Variants in MRPL19 observed in about 807,000 individuals in gnomAD.
MRPL19 encodes mitochondrial ribosomal protein L19, also known as large ribosomal subunit protein bL19m.
MRPL19 carries 31 observed loss-of-function variants against 34.0 expected under a neutral mutation model. That is an observed-to-expected ratio of 0.91 (90% CI 0.68 to 1.23). The LOEUF is 1.23. Ranked by LOEUF, MRPL19 falls within the 50% of genes most tolerant of loss-of-function variation. The pLI is 0.00. For missense variants in MRPL19, 384 were observed against 367.6 expected, an observed-to-expected ratio of 1.04 and a Z score of -0.37; for synonymous variants, 152 against 127.7, an observed-to-expected ratio of 1.19 and a Z score of -1.28.
In MRPL19 at chr2:75,660,323, T is replaced by C. The variant is rs1389897377; in HGVS notation, c.*5038T>C. 1 of 152,224 alleles carries C rather than the reference T, an allele frequency of 6.6e-6. No individual in the cohort carries two copies. Among genetic ancestry groups the C allele is most frequent in the Non-Finnish European group, 1.5e-5 (1 of 68,040 alleles). 9.4% of individuals were successfully genotyped at this position (152,224 alleles called of 1,614,324 possible). ...GCTTATTTAAGACAATTGTTTAAAG[T>C]CTTTGCATAGTAAGTCCAATGTCTG... On this transcript the variant is annotated 3_prime_UTR_variant, in exon 6 of 6. Coordinates refer to ENST00000393909, the MANE Select transcript of MRPL19 (RefSeq NM_014763.4).
chr2:75,655,100 C>G lies in MRPL19; in HGVS notation c.694C>G (p.Arg232Gly), dbSNP rs200518280. ...AATGAAGCCTAAGCCCTGGTCTAAA[C>G]GCTGGGAACGTCCAAATTTTAATAT... ...VKMKPKPWSK[R>G]WERPNFNIKG... Residue 232 changes from arginine to glycine, a missense_variant, in exon 6 of 6, where the codon CGC (arginine) becomes GGC (glycine). By Grantham distance (125) the Arg-to-Gly change is moderately radical. Coordinates refer to ENST00000393909, the MANE Select transcript of MRPL19 (RefSeq NM_014763.4). 4.4e-6 allele frequency: 7 copies of G among 1,602,836 alleles called. No individual in the cohort carries two copies. Among genetic ancestry groups the G allele is most frequent in the Non-Finnish European group, 5.9e-6 (7 of 1,176,768 alleles).
intron 2 of MRPL19, among the ~76,000 whole-genome samples, chr2:75,649,317 T>A (rs1678282462): frequency 6.6e-6 from 1 of 152,214 alleles, no homozygotes; most frequent in Admixed American, 6.5e-5. Context: ...GAACTCTGTA[T>A]TAGACCAAGC....
At chr2:75,651,871 AAGG>A (rs1678339152) in intron 2 of MRPL19, 1 of 255,812 alleles carries the variant, frequency 3.9e-6, no homozygotes, top group Non-Finnish European at 7.5e-6. Flanking sequence ...GCTCTGTAAA[AAGG>A]AGATGACACC....
intron 2 of MRPL19, among the ~76,000 whole-genome samples, chr2:75,650,390 C>T (rs1160451850): frequency 6.6e-6 from 1 of 152,182 alleles, no homozygotes; most frequent in Admixed American, 6.5e-5. Flanking sequence ...CTGAGGTAAA[C>T]AGGCAGGGTC....
intron 2 of MRPL19, among the ~76,000 whole-genome samples, chr2:75,650,426 G>A (rs1258548402): frequency 6.6e-6 from 1 of 152,186 alleles, no homozygotes; most frequent in African/African-American, 2.4e-5. Context: ...TACAGAGGGA[G>A]AACCAGCAAC....
Position 75,655,296 on chromosome 2 carries a change from G to A in MRPL19, c.*11G>A, listed in dbSNP as rs1368203537. 6.2e-7 allele frequency: 1 copy of A among 1,600,992 alleles called. No individual in the cohort carries two copies. The highest frequency in any genetic ancestry group is 8.5e-7 in the Non-Finnish European group (1 of 1,170,316). ...TCGAAAAGGTCTTGATTCTGAGAATGAATTTGGTTAGTTGCAGAAGATACA... is the reference window on the plus strand; with the variant it reads ...TCGAAAAGGTCTTGATTCTGAGAATAAATTTGGTTAGTTGCAGAAGATACA... On this transcript the variant is annotated 3_prime_UTR_variant, in exon 6 of 6. Transcript: ENST00000393909.
Position 75,657,799 on chromosome 2 carries a change from T to A in MRPL19, c.*2514T>A, listed in dbSNP as rs1678496507. 1 of 151,972 alleles carries A rather than the reference T, an allele frequency of 6.6e-6. No homozygotes were observed. Among genetic ancestry groups the A allele is most frequent in the African/African-American group, 2.4e-5 (1 of 41,390 alleles). The allele number at this position is 151,972 out of a possible 1,614,324, so 9.4% of individuals were successfully genotyped here. On this transcript the variant is annotated 3_prime_UTR_variant, in exon 6 of 6. Coordinates refer to ENST00000393909, the MANE Select transcript of MRPL19 (RefSeq NM_014763.4). ...GGAATATCTTTAAAATTCTTGTGAA[T>A]TTTTCCCCAGAAGTAAAGCAAATCT...
Position 75,646,827 on chromosome 2 carries a change from C to A in MRPL19, c.20C>A (p.Ala7Glu), listed in dbSNP as rs762937368. 2 of 1,564,678 alleles carry A rather than the reference C, an allele frequency of 1.3e-6. No homozygotes were observed. The highest frequency in any genetic ancestry group is 1.7e-6 in the Non-Finnish European group (2 of 1,155,132). Reference sequence around the variant, plus strand: ...GCTGGCATGGCGGCCTGCATTGCAGCGGGGCACTGGGCTGCAATGGGCCTA... The same window carrying A: ...GCTGGCATGGCGGCCTGCATTGCAGAGGGGCACTGGGCTGCAATGGGCCTA... MAACIAAGHWAAMGLGR... is the reference protein window; with the variant it reads MAACIAEGHWAAMGLGR... The change falls in exon 1 of 6, where the codon GCG becomes GAG. Residue 7 changes from alanine (A) to glutamate (E), a missense_variant. By Grantham distance (107) the Ala-to-Glu change is moderately radical. Transcript: ENST00000393909.
intron 3 of MRPL19, 22 bp from the exon 4 acceptor site, chr2:75,652,501 C>T: frequency 1.2e-6 from 2 of 1,603,400 alleles, no homozygotes; most frequent in South Asian, 2.3e-5. Flanking sequence ...AAAAAAAGTT[C>T]ACTTCTCTTT....
At position 75,658,087 on chromosome 2, in the gene MRPL19, A is replaced by G. The variant is rs185482415; in HGVS notation, c.*2802A>G. Among the ~76,000 whole-genome samples the G allele has an allele frequency of 9.2e-5, 14 of 152,056 alleles. No homozygotes were observed. Among genetic ancestry groups the G allele is most frequent in the African/African-American group, 2.9e-4 (12 of 41,506 alleles). ...CAGGTAACCTCAAATCTTTCTTTTT[A>G]TCTTTGAGACAAGGTCTCATTCTAT... On this transcript the variant is annotated 3_prime_UTR_variant, in exon 6 of 6. Transcript: ENST00000393909.
chr2:75,648,955 G>T (rs185826872), intron 2 of MRPL19, among the ~76,000 whole-genome samples: 5 of 152,248 alleles, frequency 3.3e-5, no homozygotes, highest in African/African-American at 1.2e-4. Context: ...ATGTAAGGGG[G>T]GCCTTCTGAA....
At position 75,647,145 on chromosome 2, in the gene MRPL19, C is replaced by G; in HGVS notation, c.147C>G (p.Ser49=). Residue 49 remains serine, a synonymous_variant, in exon 2 of 6, where the codon TCC becomes TCG. Transcript: ENST00000393909. The part of the protein sequence containing the change: ...GPVRQQSTGP[S]EPGAFQPPPK... ...TCCGGCAGCAGAGCACTGGGCCTTC[C>G]GAGCCCGGTGCGTTCCAACCGCCGC... 1.9e-6 allele frequency: 3 copies of G among 1,579,424 alleles called. No homozygotes were observed. Among genetic ancestry groups the G allele is most frequent in the Non-Finnish European group, 2.6e-6 (3 of 1,162,028 alleles).
chr2:75,655,947 G>C lies in MRPL19; in HGVS notation c.*662G>C, dbSNP rs924414295. ...CTATTATTGCATGAAGGCTTCAAGGGAAACGTTACAGTCTTTGGGTCATAG... is the reference window on the plus strand; with the variant it reads ...CTATTATTGCATGAAGGCTTCAAGGCAAACGTTACAGTCTTTGGGTCATAG... On this transcript the variant is annotated 3_prime_UTR_variant, in exon 6 of 6. Transcript: ENST00000393909. 2.6e-5 allele frequency: 4 copies of C among 152,060 alleles called. No homozygotes were observed. Among genetic ancestry groups the C allele is most frequent in the Admixed American group, 2.6e-4 (4 of 15,272 alleles). The allele number at this position is 152,060 out of a possible 1,614,324, so 9.4% of individuals were successfully genotyped here.
At chr2:75,654,472 T>C (rs1483511229) in intron 4 of MRPL19, among the ~76,000 whole-genome samples, 2 of 152,214 alleles carry the variant, frequency 1.3e-5, no homozygotes, top group Non-Finnish European at 2.9e-5. Context: ...TGAAGAGATA[T>C]GTGACTCAAC....
chr2:75,651,708 A>G (rs1481689757), intron 2 of MRPL19: 4 of 313,650 alleles, frequency 1.3e-5, no homozygotes, highest in Non-Finnish European at 2.5e-5. Context: ...GACATAATTT[A>G]TTATAGCATG....
In MRPL19 at chr2:75,654,695, G is replaced by A. The variant is rs777986984; in HGVS notation, c.476-41G>A. 36 of 1,585,244 alleles carry A rather than the reference G, an allele frequency of 2.3e-5. No individual in the cohort carries two copies. In the African/African-American group the frequency reaches 2.4e-4, roughly 11 times the overall value. On this transcript the variant is annotated intron_variant, in intron 4 of 5. Transcript: ENST00000393909. The stretch of plus-strand genomic sequence containing the variant: ...TGCAGTATGAAACATGTATAGGAAC[G>A]TGGACTTAGATTGTAAGAATATGTT...
chr2:75,654,412 G>A (rs958396789), intron 4 of MRPL19, among the ~76,000 whole-genome samples: 2 of 152,114 alleles, frequency 1.3e-5, no homozygotes, highest in East Asian at 1.9e-4. Flanking sequence ...GATAAAAAAC[G>A]TGACATAGGG....
In MRPL19 at chr2:75,655,592, AT is replaced by A. The variant is rs760952672; in HGVS notation, c.*317del. The A allele has an allele frequency of 3.3e-3, 684 of 208,134 alleles. No individual in the cohort carries two copies. The highest frequency in any genetic ancestry group is 5.1e-3 in the East Asian group (47 of 9,202). The allele number at this position is 208,134 out of a possible 1,614,324, so 12.9% of individuals were successfully genotyped here. On this transcript the variant is annotated 3_prime_UTR_variant, in exon 6 of 6. Transcript: ENST00000393909. ...TGAGCAAAGGGAATAGGTGGGATGA[AT>A]TTTTTTTTTAATTGTGAAACAATTC...
At chr2:75,650,082 T>C (rs1031502339) in intron 2 of MRPL19, among the ~76,000 whole-genome samples, 1 of 152,066 alleles carries the variant, frequency 6.6e-6, no homozygotes, top group Non-Finnish European at 1.5e-5. Flanking sequence ...AAGTAGAAAA[T>C]TGAGGAAGAG....
Sources: gnomAD v4.1 joint callset for allele counts (sites outside exome capture counted in the v4.1 genomes callset) on GRCh38, gnomAD v4.1.1 for gene constraint, MANE v1.5 for transcripts, NCBI Gene and HGNC (gene_info 2026-07-23, HGNC 2026-07-21) for gene names.